STPG2: variants seen among roughly 807,000 people sequenced by gnomAD.
STPG2 encodes sperm-tail PG-rich repeat-containing protein 2.
In STPG2, 56 loss-of-function variants were observed where a neutral mutation model predicts 54.2. That is an observed-to-expected ratio of 1.03 (90% CI 0.83 to 1.29). The LOEUF (loss-of-function observed/expected upper bound fraction) is 1.29, where lower values mean the gene tolerates loss of function less well. Ranked by LOEUF, STPG2 falls within the 50% of genes most tolerant of loss-of-function variation. The pLI is 0.00. For missense variants in STPG2, 596 were observed against 544.9 expected (o/e 1.09, Z -0.93); for synonymous variants, 200 against 181.8 (o/e 1.10, Z -0.81).
intron 5 of STPG2, among the ~76,000 whole-genome samples, chr4:97,989,037 T>G (rs1476462880): frequency 6.6e-6 from 1 of 152,206 alleles, no homozygotes; most frequent in Non-Finnish European, 1.5e-5. Flanking sequence ...ATCTTTTATT[T>G]TAAATAGGTT....
chr4:97,597,739 G>A (rs1733337064), intron 10 of STPG2, among the ~76,000 whole-genome samples: 1 of 151,938 alleles, frequency 6.6e-6, no homozygotes, highest in Non-Finnish European at 1.5e-5. Context: ...TACATCGGAA[G>A]TATAAGAGCC....
intron 10 of STPG2, among the ~76,000 whole-genome samples, chr4:97,632,838 T>A (rs1721336394): frequency 1.3e-5 from 2 of 152,280 alleles, no homozygotes; most frequent in Admixed American, 1.3e-4. Flanking sequence ...TAAGCTTATA[T>A]CCTATAATTA....
At chr4:97,941,922 A>G (rs926027754) in intron 8 of STPG2, among the ~76,000 whole-genome samples, 4 of 151,904 alleles carry the variant, frequency 2.6e-5, no homozygotes, top group African/African-American at 7.2e-5. Context: ...AGTCCCACTG[A>G]ATAATTTTAA....
At chr4:97,941,201 G>A (rs1297685054) in intron 8 of STPG2, among the ~76,000 whole-genome samples, 1 of 151,686 alleles carries the variant, frequency 6.6e-6, no homozygotes, top group Non-Finnish European at 1.5e-5. Flanking sequence ...TCATCCCTTT[G>A]TGGGTTACCC....
intron 4 of STPG2, among the ~76,000 whole-genome samples, chr4:97,443,072 C>A (rs113169922): frequency 6.6e-6 from 1 of 152,040 alleles, no homozygotes; most frequent in Non-Finnish European, 1.5e-5. Context: ...GAATTTATTT[C>A]GGCTTAAACC....
chr4:97,485,461 G>C (rs1482889404), intron 4 of STPG2, among the ~76,000 whole-genome samples: 1 of 151,412 alleles, frequency 6.6e-6, no homozygotes, highest in African/African-American at 2.4e-5. Context: ...TTTTACAATA[G>C]CTGCAAAAAA....
chr4:98,061,760 CT>C (rs1737667102), intron 5 of STPG2, among the ~76,000 whole-genome samples: 1 of 152,126 alleles, frequency 6.6e-6, no homozygotes, highest in Admixed American at 6.5e-5. Flanking sequence ...AATCTCACAC[CT>C]GTCAGAATGG....
In STPG2 at chr4:97,559,055, A is replaced by G. The variant is rs1305090194; in HGVS notation, c.*3T>C. On this transcript the variant is annotated 3_prime_UTR_variant, in exon 11 of 11. Coordinates refer to ENST00000295268, the MANE Select transcript of STPG2 (RefSeq NM_174952.3). ...TTTTTTAAGTTTTTGCCATAAATTT[A>G]TGTCACATTATATCAGCAGCCATTT... 6 of 1,598,864 alleles carry G rather than the reference A, an allele frequency of 3.8e-6. No homozygotes were observed. Among genetic ancestry groups the G allele is most frequent in the Middle Eastern group, 1.7e-4 (1 of 6,022 alleles).
intron 6 of STPG2, among the ~76,000 whole-genome samples, chr4:97,978,374 C>CTACA (rs1347774843): frequency 1.8e-4 from 28 of 152,028 alleles, no homozygotes; most frequent in South Asian, 1.0e-3. Context: ...ATGGATGGAG[C>CTACA]TACAGGCCAT....
chr4:97,623,030 A>G lies in STPG2; in HGVS notation c.1321-63913T>C, dbSNP rs565229562. Among the ~76,000 whole-genome samples, 3 of 152,322 alleles carry G rather than the reference A, an allele frequency of 2.0e-5. No homozygotes were observed. In the South Asian group the frequency reaches 6.2e-4, roughly 32 times the overall value. Reference sequence around the variant, plus strand: ...ACAAGCAATAGAGAAAGGACTCCGTATTCAACAAATGGTGCTGGAATAACT... The same window carrying G: ...ACAAGCAATAGAGAAAGGACTCCGTGTTCAACAAATGGTGCTGGAATAACT... On this transcript the variant is annotated intron_variant, in intron 10 of 10. Transcript: ENST00000295268.
rs193137529 is a variant in STPG2, at chr4:97,488,333, A to T, written c.462+224366T>A. On this transcript the variant is annotated intron_variant, in intron 4 of 4. Coordinates refer to the STPG2 transcript ENST00000522676. ...TAAGCACTTCAAATACATTAATTTAATCTCAAGAAAAGTCCTAAGAGTTAT... is the reference window on the plus strand; with the variant it reads ...TAAGCACTTCAAATACATTAATTTATTCTCAAGAAAAGTCCTAAGAGTTAT... Among the ~76,000 whole-genome samples the T allele has an allele frequency of 3.5e-3, 533 of 151,836 alleles. 4 individuals are homozygous for T. Among genetic ancestry groups the T allele is most frequent in the African/African-American group, 0.012 (507 of 41,496 alleles).
Position 97,634,670 on chromosome 4 carries a change from G to A in STPG2, c.1321-75553C>T, listed in dbSNP as rs535262999. 4.1e-3 allele frequency among the ~76,000 whole-genome samples: 630 copies of A among 151,966 alleles called. 3 individuals are homozygous for A. The highest frequency in any genetic ancestry group is 0.02 in the South Asian group (98 of 4,808). On this transcript the variant is annotated intron_variant, in intron 10 of 10. Coordinates refer to ENST00000295268, the MANE Select transcript of STPG2 (RefSeq NM_174952.3). ...AGGAGCTGATGGAGCTGAAAACCAA[G>A]GCTCGAGAACTAGGTGAAGAATGCA...
At chr4:97,915,904 G>C (rs916560254) in intron 8 of STPG2, among the ~76,000 whole-genome samples, 20 of 152,170 alleles carry the variant, frequency 1.3e-4, no homozygotes, top group Non-Finnish European at 2.2e-4. Context: ...CAAGGATAGA[G>C]GGGGTGAGAG....
Position 98,069,162 on chromosome 4 carries a change from C to A in STPG2, c.612+36791G>T, listed in dbSNP as rs561440544. Among the ~76,000 whole-genome samples, 15 of 152,080 alleles carry A rather than the reference C, an allele frequency of 9.9e-5. No individual in the cohort carries two copies. The South Asian group carries it at 3.1e-3, about 32-fold the overall frequency. On this transcript the variant is annotated intron_variant, in intron 5 of 10. Transcript: ENST00000295268. Reference sequence around the variant, plus strand: ...GGATCATCTATATAAATATATTGATCATAAGCTGTAAAACACTTGCACTGT... The same window carrying A: ...GGATCATCTATATAAATATATTGATAATAAGCTGTAAAACACTTGCACTGT...
At chr4:97,847,805 A>G (rs1349947746) in intron 8 of STPG2, among the ~76,000 whole-genome samples, 1 of 148,456 alleles carries the variant, frequency 6.7e-6, no homozygotes, top group Non-Finnish European at 1.5e-5. Context: ...AGCCAAGCCT[A>G]AAAATACAAA....
At chr4:97,933,215 G>GT (rs1732617551) in intron 8 of STPG2, among the ~76,000 whole-genome samples, 1 of 151,494 alleles carries the variant, frequency 6.6e-6, no homozygotes, top group African/African-American at 2.4e-5. Flanking sequence ...TGATGGGGTT[G>GT]TTTTTTCTTG....
Position 97,463,163 on chromosome 4 carries a change from C to T in STPG2, c.462+249536G>A, listed in dbSNP as rs76974985. Among the ~76,000 whole-genome samples the T allele has an allele frequency of 5.7e-3, 862 of 152,144 alleles. 12 individuals carry two copies. Among genetic ancestry groups the T allele is most frequent in the African/African-American group, 0.018 (760 of 41,544 alleles). ...CTCTTCTGAAATATTATCCAGCTTT[C>T]AAGCAGTCTTTTACATTTTTCATCT... On this transcript the variant is annotated intron_variant, in intron 4 of 4. Coordinates refer to the STPG2 transcript ENST00000522676.
At chr4:97,551,794 A>G (rs190494303) in intron 4 of STPG2, among the ~76,000 whole-genome samples, 4 of 152,332 alleles carry the variant, frequency 2.6e-5, no homozygotes, top group Admixed American at 2.6e-4. Flanking sequence ...GATCTCTTTG[A>G]CAATTGTTAA....
chr4:98,102,136 C>G (rs565945973), intron 5 of STPG2, among the ~76,000 whole-genome samples: 43 of 152,204 alleles, frequency 2.8e-4, no homozygotes, highest in Middle Eastern at 3.4e-3. Flanking sequence ...GATATGTATT[C>G]CATTCTTCTC....
Sources: gnomAD v4.1 joint callset for allele counts (sites outside exome capture counted in the v4.1 genomes callset) on GRCh38, gnomAD v4.1.1 for gene constraint, MANE v1.5 for transcripts, NCBI Gene and HGNC (gene_info 2026-07-23, HGNC 2026-07-21) for gene names.